CBLB: variants seen among roughly 807,000 people sequenced by gnomAD.
CBLB encodes E3 ubiquitin-protein ligase CBL-B.
Under a neutral mutation model 104.9 loss-of-function variants are expected in CBLB, and 31 were observed. That is an observed-to-expected ratio of 0.30 (90% CI 0.22 to 0.40). The LOEUF is 0.40. Among genes scored for constraint, CBLB ranks in the 10% least tolerant of loss-of-function variants. CBLB has a pLI of 1.00. For missense variants in CBLB, 1,062 were observed against 1,214.6 expected (o/e 0.87, Z 1.87); for synonymous variants, 440 against 422.6 (o/e 1.04, Z -0.51).
intron 3 of CBLB, among the ~76,000 whole-genome samples, chr3:105,825,486 A>G (rs1023268646): frequency 2.0e-5 from 3 of 152,202 alleles, no homozygotes; most frequent in Admixed American, 6.6e-5. Flanking sequence ...TTCACTCTCT[A>G]ATCCATATAG....
At chr3:105,819,520 A>T (rs2085528823) in intron 3 of CBLB, among the ~76,000 whole-genome samples, 1 of 152,004 alleles carries the variant, frequency 6.6e-6, no homozygotes, top group Non-Finnish European at 1.5e-5. Context: ...GAAAAACCAT[A>T]ATGAAGGGAA....
chr3:105,719,295 G>A (rs772248809), intron 10 of CBLB, among the ~76,000 whole-genome samples: 3 of 152,120 alleles, frequency 2.0e-5, no homozygotes, highest in Non-Finnish European at 4.4e-5. Context: ...GTTAGATGAC[G>A]TTTAATTTTA....
chr3:105,854,588 G>A (rs1335359199), intron 2 of CBLB, among the ~76,000 whole-genome samples: 4 of 141,730 alleles, frequency 2.8e-5, no homozygotes, highest in East Asian at 2.4e-4. Flanking sequence ...TAAGGCCCTC[G>A]TTGTATTTTT....
intron 14 of CBLB, among the ~76,000 whole-genome samples, chr3:105,685,078 A>T (rs2066842509): frequency 1.3e-5 from 2 of 152,182 alleles, no homozygotes; most frequent in Non-Finnish European, 2.9e-5. Context: ...CTGAGCACTA[A>T]TTTTTCTTCA....
chr3:105,718,166 T>A (rs1275035679), intron 10 of CBLB, among the ~76,000 whole-genome samples: 4 of 152,228 alleles, frequency 2.6e-5, no homozygotes, highest in Non-Finnish European at 4.4e-5. Flanking sequence ...GAGGAATAAC[T>A]ACTTTCTTCC....
At position 105,757,687 on chromosome 3, in the gene CBLB, T is replaced by C. The variant is rs556656701; in HGVS notation, c.567-6069A>G. Among the ~76,000 whole-genome samples the C allele has an allele frequency of 1.1e-3, 168 of 152,284 alleles. 1 individual carries two copies. Among genetic ancestry groups the C allele is most frequent in the Admixed American group, 2.9e-3 (44 of 15,298 alleles). On this transcript the variant is annotated intron_variant, in intron 4 of 18. Coordinates refer to ENST00000394030, the MANE Select transcript of CBLB (RefSeq NM_170662.5). ...AATCTAAGACTAAAAATCAGATACA[T>C]GGGAATGAACAAAGTAACTACCATA...
At chr3:105,675,326 G>C (rs1325528726) in intron 17 of CBLB, among the ~76,000 whole-genome samples, 1 of 152,038 alleles carries the variant, frequency 6.6e-6, no homozygotes, top group Non-Finnish European at 1.5e-5. Flanking sequence ...TAAAACTACT[G>C]AGTTAAACTT....
At chr3:105,819,168 G>A (rs947482180) in intron 3 of CBLB, among the ~76,000 whole-genome samples, 6 of 152,178 alleles carry the variant, frequency 3.9e-5, no homozygotes, top group Non-Finnish European at 5.9e-5. Context: ...ATTTAAGTTG[G>A]AGCATAAATT....
At chr3:105,671,727 C>G (rs565286561) in intron 17 of CBLB, 54 of 201,572 alleles carry the variant, frequency 2.7e-4, no homozygotes, top group African/African-American at 1.2e-3. Flanking sequence ...TATCTTTTCA[C>G]CTTTTTTGGA....
chr3:105,694,375 A>G (rs567301323), intron 12 of CBLB, among the ~76,000 whole-genome samples: 79 of 152,108 alleles, frequency 5.2e-4, no homozygotes, highest in African/African-American at 1.8e-3. Flanking sequence ...TTTTGCAGAA[A>G]CATATTCACA....
rs572266249 is a variant in CBLB at position 105,818,137 on chromosome 3, C to G, written c.419+35277G>C. Among the ~76,000 whole-genome samples the G allele has an allele frequency of 2.6e-5, 4 of 152,060 alleles. No homozygotes were observed. The East Asian group carries it at 7.7e-4, about 29-fold the overall frequency. The stretch of plus-strand genomic sequence containing the variant: ...TCATCAAAATTAATGAAAACTTATC[C>G]CAAAGAAACTTCTCAGAATGATTAT... On this transcript the variant is annotated intron_variant, in intron 3 of 18. Transcript: ENST00000394030.
At chr3:105,816,593 C>A (rs1294925528) in intron 3 of CBLB, among the ~76,000 whole-genome samples, 1 of 152,038 alleles carries the variant, frequency 6.6e-6, no homozygotes, top group African/African-American at 2.4e-5. Context: ...AAAAGAGAAG[C>A]AAAATGCAGT....
chr3:105,855,620 A>G (rs140878338), intron 2 of CBLB, among the ~76,000 whole-genome samples: 103 of 152,354 alleles, frequency 6.8e-4, no homozygotes, highest in African/African-American at 2.4e-3. Flanking sequence ...CCATGGGAAC[A>G]GTGAAATCCA....
intron 4 of CBLB, among the ~76,000 whole-genome samples, chr3:105,768,943 A>G (rs2078533387): frequency 3.3e-5 from 5 of 152,236 alleles, no homozygotes; most frequent in African/African-American, 1.2e-4. Context: ...AGATCAATTT[A>G]TATATAATGA....
rs34801525 is a variant in CBLB, at chr3:105,685,454, C to T, written c.2067G>A (p.Pro689=). 10,917 of 1,612,824 alleles carry T rather than the reference C, an allele frequency of 6.8e-3. 62 individuals are homozygous for T. Among genetic ancestry groups the T allele is most frequent in the Middle Eastern group, 0.018 (111 of 6,058 alleles). ...TLLPSIKCTG[P]LANSLSEKTR... ...TTTTCTCTGAAAGAGAATTTGCTAA[C>T]GGACCAGTACACCTACCAGGGGAAA... Residue 689 remains proline (P), a synonymous_variant, in exon 14 of 19, where the codon CCG becomes CCA. Coordinates refer to ENST00000394030, the MANE Select transcript of CBLB (RefSeq NM_170662.5).
intron 5 of CBLB, among the ~76,000 whole-genome samples, chr3:105,749,257 G>A (rs2076386838): frequency 6.6e-6 from 1 of 151,990 alleles, no homozygotes; most frequent in African/African-American, 2.4e-5. Context: ...GGGCTAACAA[G>A]AGTTCTTCAG....
chr3:105,693,047 A>C (rs564764809), intron 13 of CBLB, among the ~76,000 whole-genome samples: 62 of 151,982 alleles, frequency 4.1e-4, no homozygotes, highest in Admixed American at 9.2e-4. Context: ...AGATTAGAGG[A>C]ATATGAAAAA....
chr3:105,843,000 T>C (rs914441311), intron 3 of CBLB, among the ~76,000 whole-genome samples: 1 of 152,240 alleles, frequency 6.6e-6, no homozygotes, highest in Non-Finnish European at 1.5e-5. Flanking sequence ...GACCACCCAA[T>C]GGTCAAATTT....
intron 3 of CBLB, among the ~76,000 whole-genome samples, chr3:105,844,838 G>T (rs549758675): frequency 6.6e-6 from 1 of 152,214 alleles, no homozygotes; most frequent in South Asian, 2.1e-4. Flanking sequence ...CACTCTTGAG[G>T]CTATAGGATT....
Sources: gnomAD v4.1 joint callset for allele counts (sites outside exome capture counted in the v4.1 genomes callset) on GRCh38, gnomAD v4.1.1 for gene constraint, MANE v1.5 for transcripts, NCBI Gene and HGNC (gene_info 2026-07-23, HGNC 2026-07-21) for gene names.